The following USH2A variants were observed in gnomAD, a reference collection of about 807,000 sequenced individuals.
USH2A encodes Usher syndrome 2A (autosomal recessive, mild).
Under a neutral mutation model 538.9 loss-of-function variants are expected in USH2A, and 443 were observed. That is an observed-to-expected ratio of 0.82 (90% confidence interval 0.76 to 0.89). The LOEUF (loss-of-function observed/expected upper bound fraction) is 0.89, where lower values mean the gene tolerates loss of function less well. USH2A is among the 40% of genes least tolerant of loss of function. USH2A has a pLI of 0.00. For synonymous variants in USH2A, 2,413 were observed against 2,273.5 expected (o/e 1.06, Z -1.75); for missense variants, 6,633 against 6,324.8 (o/e 1.05, Z -1.65).
rs575043093 is a variant in USH2A at position 216,089,493 on chromosome 1, T to C, written c.4759-354A>G. ...GACTTTAAGTTTCATGGCATAAATA[T>C]GAAAAAGAAGAGAAAAATTTAAAAC... is the stretch of plus-strand genomic sequence containing the variant. On this transcript the variant is annotated intron_variant, in intron 22 of 71. Coordinates refer to ENST00000307340, the MANE Select transcript of USH2A (RefSeq NM_206933.4). Among the ~76,000 whole-genome samples, 4 of 151,986 alleles carry C rather than the reference T, an allele frequency of 2.6e-5. No homozygotes were observed. The South Asian group carries it at 8.3e-4, about 32-fold the overall frequency.
At position 215,728,015 on chromosome 1, in the gene USH2A, T is replaced by C; in HGVS notation, c.12066+15A>G. On this transcript the variant is annotated intron_variant, in intron 61 of 71. Transcript: ENST00000307340. Reference sequence around the variant, plus strand: ...AGATAATCTGCATGTCTGTTACTTTTCTAAAGGGTCTTACCTTCACTGTGA... The same window carrying C: ...AGATAATCTGCATGTCTGTTACTTTCCTAAAGGGTCTTACCTTCACTGTGA... 6.2e-7 allele frequency: 1 copy of C among 1,612,930 alleles called. No individual in the cohort carries two copies.
intron 44 of USH2A, among the ~76,000 whole-genome samples, chr1:215,850,721 C>T (rs1036757862): frequency 7.9e-5 from 12 of 152,122 alleles, no homozygotes; most frequent in African/African-American, 2.9e-4. Flanking sequence ...AAACATTCTA[C>T]CCCAAAACTG....
At chr1:216,310,463 T>C (rs12024013) in intron 9 of USH2A, among the ~76,000 whole-genome samples, 1,728 of 152,250 alleles carry the variant, frequency 0.011, 25 homozygotes, top group East Asian at 0.036. Flanking sequence ...TGAATACCAT[T>C]AATTCTTACA....
At chr1:215,886,365 T>C (rs963387326) in intron 41 of USH2A, among the ~76,000 whole-genome samples, 4 of 152,198 alleles carry the variant, frequency 2.6e-5, no homozygotes, top group Non-Finnish European at 5.9e-5. Flanking sequence ...TCCACTTCGG[T>C]AAAGTCTTAA....
intron 67 of USH2A, among the ~76,000 whole-genome samples, chr1:215,641,396 T>A (rs1003626347): frequency 1.3e-5 from 2 of 152,214 alleles, no homozygotes; most frequent in Non-Finnish European, 2.9e-5. Context: ...TAGTATATAA[T>A]CAAGCTCAGG....
At position 215,993,497 on chromosome 1, in the gene USH2A, C is replaced by T. The variant is rs535412557; in HGVS notation, c.6658-330G>A. ...GAAGTTAGCCTTGCACAAAGGTTCC[C>T]AGAGTGAATTAAACACACACACACA... On this transcript the variant is annotated intron_variant, in intron 34 of 71. Transcript: ENST00000307340. Among the ~76,000 whole-genome samples the T allele has an allele frequency of 1.2e-3, 171 of 139,934 alleles. 2 individuals carry two copies. Among genetic ancestry groups the T allele is most frequent in the African/African-American group, 4.7e-3 (166 of 35,188 alleles). The allele number at this position is 139,934 out of a possible 152,430, so 91.8% of individuals were successfully genotyped here. A position where few individuals can be genotyped will look rare whatever the true frequency, so the allele number is the denominator to read the frequency against.
chr1:216,228,998 C>A (rs186568396), intron 14 of USH2A, among the ~76,000 whole-genome samples: 359 of 152,036 alleles, frequency 2.4e-3, no homozygotes, highest in African/African-American at 8.3e-3. Context: ...ATGGTGAAAC[C>A]CTGTCTCCAC....
At chr1:216,412,772 T>C (rs1484703131) in intron 3 of USH2A, among the ~76,000 whole-genome samples, 1 of 151,822 alleles carries the variant, frequency 6.6e-6, no homozygotes, top group Non-Finnish European at 1.5e-5. Flanking sequence ...GTGACCCATG[T>C]TCATGGCAAG....
chr1:216,409,885 G>A (rs905993816), intron 3 of USH2A, among the ~76,000 whole-genome samples: 11 of 152,046 alleles, frequency 7.2e-5, no homozygotes, highest in Non-Finnish European at 2.9e-5. Context: ...AAATTAAAGA[G>A]CTTCTGCACA....
At chr1:216,051,053 T>A (rs2030768006) in intron 30 of USH2A, among the ~76,000 whole-genome samples, 1 of 152,198 alleles carries the variant, frequency 6.6e-6, no homozygotes. Context: ...ACTCCTTTGT[T>A]TCCTTTACTG....
At chr1:216,350,823 C>T (rs1308883513) in intron 4 of USH2A, among the ~76,000 whole-genome samples, 2 of 152,184 alleles carry the variant, frequency 1.3e-5, no homozygotes, top group African/African-American at 4.8e-5. Context: ...TCTCACAGTT[C>T]CACAAGGCAA....
At chr1:216,015,510 A>G (rs150495250) in intron 32 of USH2A, among the ~76,000 whole-genome samples, 424 of 152,300 alleles carry the variant, frequency 2.8e-3, no homozygotes, top group African/African-American at 9.8e-3. Flanking sequence ...CTTTGGCCAG[A>G]TGAGCAATTA....
chr1:216,358,806 A>T (rs2038436988), intron 4 of USH2A, among the ~76,000 whole-genome samples: 1 of 152,202 alleles, frequency 6.6e-6, no homozygotes, highest in African/African-American at 2.4e-5. Flanking sequence ...TTTTCTAATC[A>T]GGAGTGAAAT....
At chr1:215,854,472 G>A (rs919881424) in intron 44 of USH2A, among the ~76,000 whole-genome samples, 1 of 152,152 alleles carries the variant, frequency 6.6e-6, no homozygotes, top group African/African-American at 2.4e-5. Context: ...ACATACTGAA[G>A]CAGCATCATT....
At chr1:216,346,448 G>A (rs1358948524) in intron 4 of USH2A, among the ~76,000 whole-genome samples, 3 of 152,012 alleles carry the variant, frequency 2.0e-5, no homozygotes, top group Non-Finnish European at 4.4e-5. Flanking sequence ...TACTTTTGGG[G>A]GTATCAGAAA....
Position 216,289,399 on chromosome 1 carries a change from C to T in USH2A, c.1852G>A (p.Glu618Lys). ...CEHNTTGRNC[E>K]LCKDYFFRQV... The stretch of plus-strand genomic sequence containing the variant: ...CGGAAAAAGTAATCCTTGCACAGCT[C>T]ACAGTTCCTTCCTGCATCAGGGAAA... The change falls in exon 11 of 72, where the codon GAG becomes AAG. Residue 618 changes from glutamate to lysine, a missense_variant. Glu to Lys is a moderately conservative substitution (Grantham distance 56). Coordinates refer to ENST00000307340, the MANE Select transcript of USH2A (RefSeq NM_206933.4). 1 of 1,613,920 alleles carries T rather than the reference C, an allele frequency of 6.2e-7. No homozygotes were observed. Among genetic ancestry groups the T allele is most frequent in the Non-Finnish European group, 8.5e-7 (1 of 1,179,810 alleles).
intron 10 of USH2A, among the ~76,000 whole-genome samples, chr1:216,291,098 C>T (rs2036991507): frequency 6.6e-6 from 1 of 152,126 alleles, no homozygotes; most frequent in South Asian, 2.1e-4. Context: ...TAACAAGTAA[C>T]TCATTATGCC....
chr1:216,104,837 A>G (rs557893283), intron 21 of USH2A, among the ~76,000 whole-genome samples: 3 of 152,186 alleles, frequency 2.0e-5, no homozygotes, highest in Admixed American at 2.0e-4. Context: ...TAATTAAACT[A>G]AAGAGCTTCT....
chr1:216,263,833 C>T (rs2036420667), intron 11 of USH2A, among the ~76,000 whole-genome samples: 1 of 152,028 alleles, frequency 6.6e-6, no homozygotes, highest in Non-Finnish European at 1.5e-5. Context: ...TCAACTAGTT[C>T]TGGTTTACAG....
Sources: gnomAD v4.1 joint callset for allele counts (sites outside exome capture counted in the v4.1 genomes callset) on GRCh38, gnomAD v4.1.1 for gene constraint, MANE v1.5 for transcripts, NCBI Gene and HGNC (gene_info 2026-07-23, HGNC 2026-07-21) for gene names.